ANXA3: variants seen among roughly 807,000 people sequenced by gnomAD.
ANXA3 encodes the protein 35-alpha calcimedin.
A neutral mutation model predicts 48.8 loss-of-function variants in ANXA3; 46 were observed. The ratio of observed to expected loss-of-function variants is 0.94; its 90% CI spans 0.74 to 1.21. ANXA3 has a LOEUF of 1.21. Among genes scored for constraint, ANXA3 ranks in the 50% most tolerant of loss-of-function variants. ANXA3 has a pLI of 0.00. For synonymous variants in ANXA3, 128 were observed against 134.7 expected (o/e 0.95, Z 0.35); for missense variants, 383 against 378.6 (o/e 1.01, Z -0.10).
intron 6 of ANXA3, among the ~76,000 whole-genome samples, chr4:78,590,125 C>G (rs1375121286): frequency 6.6e-6 from 1 of 152,096 alleles, no homozygotes; most frequent in Non-Finnish European, 1.5e-5. Context: ...CTAAATAATT[C>G]CAAAATTACA....
At chr4:78,586,377 C>T in intron 6 of ANXA3, 27 bp downstream of exon 6, 1 of 1,517,866 alleles carries the variant, frequency 6.6e-7, no homozygotes, top group Non-Finnish European at 9.1e-7. Context: ...TTACCTTCAC[C>T]ACTGTTCACA....
chr4:78,559,112 C>T (rs1722574968), intron 2 of ANXA3, among the ~76,000 whole-genome samples: 1 of 151,976 alleles, frequency 6.6e-6, no homozygotes, highest in South Asian at 2.1e-4. Flanking sequence ...GACAGAGCTT[C>T]ACTGTCATTC....
chr4:78,595,504 T>A (rs1169224179), intron 8 of ANXA3, 67 bp downstream of exon 8: 4 of 1,513,238 alleles, frequency 2.6e-6, no homozygotes, highest in Non-Finnish European at 3.6e-6. Context: ...TGCATTTATG[T>A]GAAAAGGGAG....
Position 78,591,527 on chromosome 4 carries a change from T to C in ANXA3, c.404-17T>C, listed in dbSNP as rs1348866474. 1.9e-6 allele frequency: 3 copies of C among 1,574,674 alleles called. No homozygotes were observed. The highest frequency in any genetic ancestry group is 2.6e-6 in the Non-Finnish European group (3 of 1,150,288). On this transcript the variant is annotated splice_polypyrimidine_tract_variant and intron_variant, in intron 6 of 12. Transcript: ENST00000264908. ...TTCAGTTTGTCAAGGCTTAATTTCA[T>C]TCTGATTTGGTTTCAGTATACAAGA...
chr4:78,566,114 G>A (rs1381921600), intron 2 of ANXA3, among the ~76,000 whole-genome samples: 3 of 152,170 alleles, frequency 2.0e-5, no homozygotes, highest in Non-Finnish European at 4.4e-5. Flanking sequence ...AGGAGGTGAG[G>A]CACAGGAGCC....
intron 3 of ANXA3, among the ~76,000 whole-genome samples, chr4:78,574,076 ACCACTG>A (rs1286221059): frequency 6.6e-6 from 1 of 152,142 alleles, no homozygotes; most frequent in Non-Finnish European, 1.5e-5. Context: ...AACCACCACC[ACCACTG>A]CCACCAACAA....
chr4:78,575,265 A>G (rs1469482555), intron 3 of ANXA3, among the ~76,000 whole-genome samples: 10 of 152,032 alleles, frequency 6.6e-5, no homozygotes, highest in South Asian at 4.1e-4. Flanking sequence ...CAGACTTTTT[A>G]AAAAATATTA....
At chr4:78,580,283 C>T (rs549907509) in intron 4 of ANXA3, among the ~76,000 whole-genome samples, 13 of 152,208 alleles carry the variant, frequency 8.5e-5, no homozygotes, top group East Asian at 5.8e-4. Flanking sequence ...GGGTTCTGCC[C>T]TGCTTGATCA....
At chr4:78,596,880 C>A (rs1723433997) in intron 9 of ANXA3, among the ~76,000 whole-genome samples, 1 of 152,114 alleles carries the variant, frequency 6.6e-6, no homozygotes, top group South Asian at 2.1e-4. Flanking sequence ...GTAGGCCATG[C>A]CACCTTAGGA....
At chr4:78,606,684 T>G (rs957329015) in intron 12 of ANXA3, among the ~76,000 whole-genome samples, 1 of 152,192 alleles carries the variant, frequency 6.6e-6, no homozygotes, top group African/African-American at 2.4e-5. Context: ...TTTGAATGAA[T>G]GAATGAATGA....
In ANXA3 at chr4:78,579,091, T is replaced by C. The variant is rs746195293; in HGVS notation, c.168T>C (p.Ile56=). 1.2e-6 allele frequency: 2 copies of C among 1,611,206 alleles called. No homozygotes were observed. The highest frequency in any genetic ancestry group is 2.2e-5 in the South Asian group (2 of 90,770). ...GGTCAAATGCACAGCGGCAGCTGAT[T>C]GTTAAGGAATATCAAGCAGCATATG... ...TERSNAQRQL[I]VKEYQAAYGK... The change falls in exon 4 of 13, where the codon ATT becomes ATC. Residue 56 remains isoleucine (I), a synonymous_variant. Coordinates refer to ENST00000264908, the MANE Select transcript of ANXA3 (RefSeq NM_005139.3).
chr4:78,605,969 G>T (rs1452798087), intron 12 of ANXA3, among the ~76,000 whole-genome samples: 1 of 152,232 alleles, frequency 6.6e-6, no homozygotes, highest in Non-Finnish European at 1.5e-5. Flanking sequence ...CTACCTTGAT[G>T]CTCCAGACCA....
intron 1 of ANXA3, chr4:78,553,787 C>A (rs1463399572): frequency 6.6e-6 from 1 of 152,172 alleles, no homozygotes; most frequent in South Asian, 2.1e-4. Flanking sequence ...AGGGTGGGAG[C>A]AACTTGCATT....
At chr4:78,563,772 A>G (rs1481184365) in intron 2 of ANXA3, among the ~76,000 whole-genome samples, 3 of 152,222 alleles carry the variant, frequency 2.0e-5, no homozygotes, top group Non-Finnish European at 4.4e-5. Flanking sequence ...TGGATTCTGC[A>G]CTTCAGTGAG....
intron 3 of ANXA3, among the ~76,000 whole-genome samples, 175 bp from the exon 4 acceptor site, chr4:78,578,852 A>AAAATGAAT (rs1553900271): frequency 2.7e-5 from 4 of 148,742 alleles, no homozygotes; most frequent in African/African-American, 1.0e-4. Context: ...TCAGGCAAAC[A>AAAATGAAT]AAATAAATAA....
chr4:78,554,433 T>G lies in ANXA3; in HGVS notation c.-38-3T>G, dbSNP rs771874688. 1 of 1,589,856 alleles carries G rather than the reference T, an allele frequency of 6.3e-7. No homozygotes were observed. Among genetic ancestry groups the G allele is most frequent in the Admixed American group, 1.7e-5 (1 of 59,952 alleles). ...CCATTTACTAATTGTTTTCTTTTAA[T>G]AGATTAGTGTGATCTCAGCTCAAGG... On this transcript the variant is annotated splice_region_variant and splice_polypyrimidine_tract_variant and intron_variant, in intron 1 of 12. Transcript: ENST00000264908.
At chr4:78,581,728 G>A (rs1365453742) in intron 4 of ANXA3, among the ~76,000 whole-genome samples, 2 of 152,166 alleles carry the variant, frequency 1.3e-5, no homozygotes, top group Non-Finnish European at 2.9e-5. Flanking sequence ...TCTCACCAGA[G>A]ACAAATGACC....
chr4:78,598,933 A>T (rs1349150403), intron 10 of ANXA3, among the ~76,000 whole-genome samples: 1 of 152,158 alleles, frequency 6.6e-6, no homozygotes, highest in Non-Finnish European at 1.5e-5. Flanking sequence ...TGAGATGTAC[A>T]AACTCTCATT....
intron 2 of ANXA3, among the ~76,000 whole-genome samples, chr4:78,565,889 G>A (rs766745954): frequency 1.3e-5 from 2 of 152,142 alleles, no homozygotes; most frequent in African/African-American, 4.8e-5. Context: ...AATACATGGA[G>A]GAGACATTGA....
Sources: allele counts gnomAD v4.1 joint callset (sites outside exome capture counted in the v4.1 genomes callset), GRCh38; gene constraint gnomAD v4.1.1; transcripts MANE v1.5; gene names NCBI Gene and HGNC (gene_info 2026-07-23, HGNC 2026-07-21).